The following RASAL2 variants were observed in gnomAD, a reference collection of about 807,000 sequenced individuals.
RASAL2 encodes ras GTPase-activating protein nGAP.
In RASAL2, 58 loss-of-function variants were observed where a neutral mutation model predicts 128.9. The observed-to-expected ratio is 0.45, with a 90% confidence interval of 0.36 to 0.56. RASAL2 has a LOEUF of 0.56. Among genes scored for constraint, RASAL2 ranks in the 20% least tolerant of loss-of-function variants. The pLI is 0.00. For synonymous variants in RASAL2, 561 were observed against 580.8 expected (o/e 0.97, Z 0.49); for missense variants, 1,360 against 1,601.6 (o/e 0.85, Z 2.57).
intron 14 of RASAL2, among the ~76,000 whole-genome samples, chr1:178,459,318 A>G (rs1029485550): frequency 6.6e-6 from 1 of 151,896 alleles, no homozygotes; most frequent in Non-Finnish European, 1.5e-5. Flanking sequence ...GAAACAAACT[A>G]CTGTTAAATA....
intron 1 of RASAL2, among the ~76,000 whole-genome samples, chr1:178,281,217 C>T (rs1057200709): frequency 6.6e-6 from 1 of 151,748 alleles, no homozygotes; most frequent in African/African-American, 2.4e-5. Flanking sequence ...GCTAATAAAT[C>T]CCTCTGTTTA....
At chr1:178,420,723 T>C in intron 5 of RASAL2, 103 bp downstream of exon 5, 2 of 858,784 alleles carry the variant, frequency 2.3e-6, no homozygotes, top group South Asian at 4.3e-5. Context: ...AATAGAAAAA[T>C]ACAATAAAAA....
At chr1:178,240,458 T>A (rs901907121) in intron 1 of RASAL2, among the ~76,000 whole-genome samples, 2 of 151,982 alleles carry the variant, frequency 1.3e-5, no homozygotes, top group African/African-American at 4.8e-5. Context: ...ATTTTCTTAT[T>A]TTTATCCAGT....
At chr1:178,382,782 A>G (rs1269519459) in intron 3 of RASAL2, among the ~76,000 whole-genome samples, 1 of 152,298 alleles carries the variant, frequency 6.6e-6, no homozygotes. Context: ...ACCAAACATG[A>G]CAGTTTGATG....
rs190937920 is a variant in RASAL2 at position 178,402,245 on chromosome 1, G to A, written c.564+12039G>A. Among the ~76,000 whole-genome samples the A allele has an allele frequency of 4.8e-4, 73 of 152,122 alleles. 1 individual carries two copies. In the East Asian group the frequency reaches 0.013, roughly 26 times the overall value. ...AGCCTAGCCAACATGTTGAAAGCCC[G>A]TCTCTACTAAAAATACAAAAAATTA... On this transcript the variant is annotated intron_variant, in intron 4 of 17. Coordinates refer to ENST00000367649, the MANE Select transcript of RASAL2 (RefSeq NM_170692.4).
At chr1:178,259,521 T>C (rs1665555720) in intron 1 of RASAL2, among the ~76,000 whole-genome samples, 1 of 152,346 alleles carries the variant, frequency 6.6e-6, no homozygotes, top group African/African-American at 2.4e-5. Flanking sequence ...GCTATGTTAG[T>C]TGTATCTTCA....
At chr1:178,095,482 T>A (rs917693284) in intron 1 of RASAL2, among the ~76,000 whole-genome samples, 1 of 152,212 alleles carries the variant, frequency 6.6e-6, no homozygotes, top group Non-Finnish European at 1.5e-5. Flanking sequence ...TTCCAAAATA[T>A]TGAAACGGCA....
intron 4 of RASAL2, among the ~76,000 whole-genome samples, chr1:178,413,314 C>G (rs145744680): frequency 3.3e-5 from 5 of 152,192 alleles, no homozygotes; most frequent in Non-Finnish European, 7.3e-5. Context: ...CAGAGCCTAA[C>G]TGATCAGAAG....
chr1:178,229,794 T>C (rs1558127231), intron 1 of RASAL2, among the ~76,000 whole-genome samples: 1 of 152,242 alleles, frequency 6.6e-6, no homozygotes, highest in Non-Finnish European at 1.5e-5. Context: ...AGTTCAGTGT[T>C]GCTTTTAGTT....
intron 4 of RASAL2, chr1:178,411,844 A>C (rs1448197362): frequency 2.6e-6 from 2 of 755,340 alleles, no homozygotes; most frequent in African/African-American, 3.4e-5. Flanking sequence ...CCTACACGTC[A>C]AACTCTGGGC....
In RASAL2 at chr1:178,473,617, G is replaced by A. The variant is rs1375224742; in HGVS notation, c.*378G>A. On this transcript the variant is annotated 3_prime_UTR_variant, in exon 18 of 18. Transcript: ENST00000367649. ...GTAAAGTAGGAACTGTTGTGTGAGCGAGACATGAGCCTGTAGGTTCAGTAG... is the reference window on the plus strand; with the variant it reads ...GTAAAGTAGGAACTGTTGTGTGAGCAAGACATGAGCCTGTAGGTTCAGTAG... 1.6e-5 allele frequency: 4 copies of A among 249,978 alleles called. No homozygotes were observed. Among genetic ancestry groups the A allele is most frequent in the South Asian group, 1.1e-4 (2 of 18,802 alleles). 15.5% of individuals were successfully genotyped at this position (249,978 alleles called of 1,614,324 possible).
chr1:178,335,531 T>C (rs1669544624), intron 3 of RASAL2, among the ~76,000 whole-genome samples: 1 of 152,122 alleles, frequency 6.6e-6, no homozygotes, highest in Non-Finnish European at 1.5e-5. Context: ...ACTCAATCTA[T>C]TCCCTTCTCC....
At chr1:178,366,589 C>G (rs1359164672) in intron 3 of RASAL2, among the ~76,000 whole-genome samples, 46 of 86,848 alleles carry the variant, frequency 5.3e-4, no homozygotes, top group African/African-American at 2.6e-3. Flanking sequence ...TCCCACCCCC[C>G]CCCGCCAAAA....
chr1:178,266,844 T>C, intron 1 of RASAL2, among the ~76,000 whole-genome samples: 1 of 151,910 alleles, frequency 6.6e-6, no homozygotes, highest in Non-Finnish European at 1.5e-5. Flanking sequence ...AAATGCAGAG[T>C]GCCATGAGTT....
intron 4 of RASAL2, among the ~76,000 whole-genome samples, chr1:178,406,613 A>G (rs965242639): frequency 1.6e-4 from 24 of 152,180 alleles, no homozygotes; most frequent in African/African-American, 5.1e-4. Flanking sequence ...AACAAAATAC[A>G]TAAAAAGTTG....
intron 3 of RASAL2, among the ~76,000 whole-genome samples, chr1:178,374,313 G>T (rs1671879206): frequency 6.6e-6 from 1 of 152,110 alleles, no homozygotes; most frequent in East Asian, 1.9e-4. Context: ...AAGATGCCAA[G>T]AGAAAAACAA....
At chr1:178,311,253 A>AACACACACACACACACAC (rs67243509) in intron 3 of RASAL2, among the ~76,000 whole-genome samples, 1,741 of 143,624 alleles carry the variant, frequency 0.012, 27 homozygotes, top group African/African-American at 0.028. Flanking sequence ...CACACACACA[A>AACACACACACACACACAC]ACACACACAC....
At chr1:178,255,196 C>T (rs1665272064) in intron 1 of RASAL2, among the ~76,000 whole-genome samples, 1 of 152,016 alleles carries the variant, frequency 6.6e-6, no homozygotes, top group Middle Eastern at 3.4e-3. Context: ...AGAGGAAATA[C>T]TAAAGGAAGT....
chr1:178,356,208 A>G (rs1406501196), intron 3 of RASAL2, among the ~76,000 whole-genome samples: 2 of 151,412 alleles, frequency 1.3e-5, no homozygotes, highest in African/African-American at 4.9e-5. Context: ...ATACCCCCAC[A>G]TAATCTCCAG....
Sources: gnomAD v4.1 joint callset for allele counts (sites outside exome capture counted in the v4.1 genomes callset) on GRCh38, gnomAD v4.1.1 for gene constraint, MANE v1.5 for transcripts, NCBI Gene and HGNC (gene_info 2026-07-23, HGNC 2026-07-21) for gene names.